ZMAT3: variants seen among roughly 807,000 people sequenced by gnomAD.
ZMAT3 encodes zinc finger matrin-type protein 3.
A neutral mutation model predicts 32.3 loss-of-function variants in ZMAT3; 17 were observed. The ratio of observed to expected loss-of-function variants is 0.53; its 90% CI spans 0.36 to 0.79. The LOEUF (loss-of-function observed/expected upper bound fraction) is 0.79. ZMAT3 is among the 30% of genes least tolerant of loss of function. The pLI is 0.00. For missense variants in ZMAT3, 329 were observed against 359.7 expected (o/e 0.91, Z 0.69); for synonymous variants, 120 against 133.1 (o/e 0.90, Z 0.68).
At chr3:179,053,130 AAAAAT>A (rs1413275298) in intron 2 of ZMAT3, among the ~76,000 whole-genome samples, 3 of 152,036 alleles carry the variant, frequency 2.0e-5, no homozygotes, top group East Asian at 1.9e-4. Flanking sequence ...TCTGTCTCAA[AAAAAT>A]AAAATAAAAT....
In ZMAT3 at chr3:179,029,323, G is replaced by A. The variant is rs571006811; in HGVS notation, c.391-1511C>T. Among the ~76,000 whole-genome samples, 122 of 152,094 alleles carry A rather than the reference G, an allele frequency of 8.0e-4. 2 individuals are homozygous for A. The highest frequency in any genetic ancestry group is 3.4e-3 in the Middle Eastern group (1 of 294). On this transcript the variant is annotated intron_variant, in intron 3 of 5. Coordinates refer to ENST00000311417, the MANE Select transcript of ZMAT3 (RefSeq NM_022470.4). ...GTAATATGGCCAATACCTCTAAGTC[G>A]CTGCAAGCATTAAATGACGTCAGGG...
upstream of ZMAT3, chr3:179,072,001 G>A (rs1387032250): frequency 6.6e-6 from 1 of 152,512 alleles, no homozygotes; most frequent in Admixed American, 6.5e-5. Context: ...GCCGGCGTGG[G>A]GAACAAAGGC....
At chr3:179,063,082 G>A (rs1721233375) in intron 2 of ZMAT3, among the ~76,000 whole-genome samples, 1 of 152,202 alleles carries the variant, frequency 6.6e-6, no homozygotes, top group African/African-American at 2.4e-5. Context: ...TAAAGTAACT[G>A]AGCCAAGATC....
intron 2 of ZMAT3, among the ~76,000 whole-genome samples, chr3:179,037,157 G>T (rs1719640228): frequency 6.6e-6 from 1 of 152,088 alleles, no homozygotes; most frequent in Non-Finnish European, 1.5e-5. Context: ...TTGGTCGCAG[G>T]AGAAGAACCC....
chr3:179,030,632 G>A (rs1719131267), intron 3 of ZMAT3, among the ~76,000 whole-genome samples: 1 of 152,180 alleles, frequency 6.6e-6, no homozygotes, highest in Admixed American at 6.5e-5. Context: ...GGGATTACAG[G>A]CATGAGTGAC....
At chr3:179,030,812 T>C in intron 3 of ZMAT3, 68 bp downstream of exon 3, 1 of 1,551,156 alleles carries the variant, frequency 6.4e-7, no homozygotes, top group Non-Finnish European at 8.7e-7. Flanking sequence ...ACAAATGTCA[T>C]CTATAACCAT....
chr3:179,032,524 T>A (rs1037894398), intron 2 of ZMAT3, among the ~76,000 whole-genome samples: 1 of 150,160 alleles, frequency 6.7e-6, no homozygotes, highest in Non-Finnish European at 1.5e-5. Flanking sequence ...GAGGAGCGCC[T>A]CTTCCCGGCC....
At chr3:179,072,441 GAA>G (rs1017123077), upstream of ZMAT3, among the ~76,000 whole-genome samples, 1 of 152,140 alleles carries the variant, frequency 6.6e-6, no homozygotes, top group African/African-American at 2.4e-5. Context: ...GAAGGACCAG[GAA>G]AAGAGTGGCC....
chr3:179,027,546 A>T, intron 4 of ZMAT3, 23 bp from the exon 5 acceptor site: 2 of 1,614,200 alleles, frequency 1.2e-6, no homozygotes, highest in Non-Finnish European at 1.7e-6. Context: ...AGTTTAAAAA[A>T]GAGTGAGTCT....
intron 2 of ZMAT3, among the ~76,000 whole-genome samples, chr3:179,049,056 C>T (rs572851371): frequency 1.1e-4 from 17 of 152,194 alleles, no homozygotes; most frequent in African/African-American, 3.9e-4. Context: ...TTCAAAGCAA[C>T]AGCAGTTAAA....
chr3:179,032,583 T>A (rs569126128), intron 2 of ZMAT3, among the ~76,000 whole-genome samples: 47 of 148,060 alleles, frequency 3.2e-4, no homozygotes, highest in African/African-American at 1.2e-3. Context: ...CCACCCATCG[T>A]CTGGGATGTG....
At chr3:179,051,582 G>C (rs965266335) in intron 2 of ZMAT3, among the ~76,000 whole-genome samples, 1 of 152,038 alleles carries the variant, frequency 6.6e-6, no homozygotes, top group Non-Finnish European at 1.5e-5. Flanking sequence ...ACTGCAAAAA[G>C]CAATCCACAA....
chr3:179,066,450 C>T (rs1721421944), intron 2 of ZMAT3, among the ~76,000 whole-genome samples: 1 of 152,196 alleles, frequency 6.6e-6, no homozygotes, highest in Admixed American at 6.5e-5. Flanking sequence ...ACACAATAAT[C>T]AGTCTTTGGG....
chr3:179,039,453 G>T (rs185370354), intron 2 of ZMAT3, among the ~76,000 whole-genome samples: 25 of 152,320 alleles, frequency 1.6e-4, no homozygotes, highest in African/African-American at 6.0e-4. Context: ...GGTCTGGAGT[G>T]GACCTCCAGC....
At chr3:179,068,573 CAA>C in intron 1 of ZMAT3, among the ~76,000 whole-genome samples, 1 of 151,690 alleles carries the variant, frequency 6.6e-6, no homozygotes, top group South Asian at 2.1e-4. Context: ...CAACCAATAT[CAA>C]AAAGAGTGTA....
intron 2 of ZMAT3, among the ~76,000 whole-genome samples, chr3:179,049,994 A>G (rs1720461447): frequency 1.4e-5 from 2 of 144,440 alleles, no homozygotes; most frequent in African/African-American, 5.1e-5. Context: ...TCCGTCTCAA[A>G]AAAAAAAAAA....
intron 2 of ZMAT3, among the ~76,000 whole-genome samples, chr3:179,031,308 G>A (rs1719174506): frequency 6.6e-6 from 1 of 150,516 alleles, no homozygotes. Flanking sequence ...TAGAGGTCTT[G>A]ATATCTCCTA....
At chr3:179,064,459 G>A (rs952629884) in intron 2 of ZMAT3, among the ~76,000 whole-genome samples, 1 of 151,984 alleles carries the variant, frequency 6.6e-6, no homozygotes. Context: ...TGTGTTTTTT[G>A]TTGTTGTCTT....
intron 2 of ZMAT3, among the ~76,000 whole-genome samples, chr3:179,063,236 A>G (rs1321712481): frequency 7.2e-5 from 11 of 152,240 alleles, no homozygotes; most frequent in Non-Finnish European, 1.5e-4. Context: ...TTTTGAATAC[A>G]TGAAAATTAG....
Sources: gnomAD v4.1 joint callset for allele counts (sites outside exome capture counted in the v4.1 genomes callset) on GRCh38, gnomAD v4.1.1 for gene constraint, MANE v1.5 for transcripts, NCBI Gene and HGNC (gene_info 2026-07-23, HGNC 2026-07-21) for gene names.